VRK2: variants seen among roughly 807,000 people sequenced by gnomAD.
The protein encoded by VRK2 is serine/threonine-protein kinase VRK2.
VRK2 carries 60 observed loss-of-function variants against 57.6 expected under a neutral mutation model. That is an observed-to-expected ratio of 1.04 (90% confidence interval 0.85 to 1.29). The LOEUF (loss-of-function observed/expected upper bound fraction) is 1.29. Ranked by LOEUF, VRK2 falls within the 50% of genes most tolerant of loss-of-function variation. The pLI is 0.00. For synonymous variants in VRK2, 231 were observed against 199.2 expected, an observed-to-expected ratio of 1.16 and a Z score of -1.35; for missense variants, 705 against 588.1, an observed-to-expected ratio of 1.20 and a Z score of -2.06.
intron 11 of VRK2, 73 bp from the exon 12 acceptor site, chr2:58,146,243 T>C (rs1276006049): frequency 1.5e-6 from 2 of 1,291,136 alleles, no homozygotes; most frequent in Non-Finnish European, 2.1e-6. Context: ...TTTAAGAATC[T>C]GGACATATAT....
At chr2:57,954,430 G>A (rs1051184412) in intron 1 of VRK2, among the ~76,000 whole-genome samples, 2 of 152,054 alleles carry the variant, frequency 1.3e-5, no homozygotes, top group Non-Finnish European at 2.9e-5. Flanking sequence ...AAACCATTCA[G>A]TTAGCACCAG....
intron 1 of VRK2, among the ~76,000 whole-genome samples, chr2:57,959,728 G>C (rs1052551516): frequency 6.6e-6 from 1 of 152,098 alleles, no homozygotes; most frequent in Non-Finnish European, 1.5e-5. Context: ...CCAGAGGCTC[G>C]GCAGGTCCCT....
Position 58,120,393 on chromosome 2 carries a change from G to A in VRK2, c.544-2708G>A, listed in dbSNP as rs1677296270. Among the ~76,000 whole-genome samples the A allele has an allele frequency of 4.6e-5, 7 of 151,766 alleles. No individual in the cohort carries two copies. The South Asian group carries it at 1.3e-3, about 27-fold the overall frequency. On this transcript the variant is annotated intron_variant, in intron 7 of 12. Coordinates refer to ENST00000340157, the MANE Select transcript of VRK2 (RefSeq NM_006296.7). ...TTTAGTAGAGATGGGGTTTCACCAT[G>A]TTGGCCAGGCTGGTCTTGAACTCCT...
intron 7 of VRK2, among the ~76,000 whole-genome samples, chr2:58,122,290 C>G (rs1285715401): frequency 6.6e-6 from 1 of 152,100 alleles, no homozygotes; most frequent in African/African-American, 2.4e-5. Context: ...GTGCTGACCC[C>G]CACTCCCCTG....
intron 1 of VRK2, among the ~76,000 whole-genome samples, chr2:58,021,814 T>C (rs1673765224): frequency 6.6e-6 from 1 of 152,214 alleles, no homozygotes; most frequent in Admixed American, 6.5e-5. Context: ...TTTTATATAG[T>C]ATTAACTTTG....
intron 7 of VRK2, among the ~76,000 whole-genome samples, chr2:58,095,934 G>A (rs746260613): frequency 1.3e-5 from 2 of 152,054 alleles, no homozygotes; most frequent in African/African-American, 4.8e-5. Context: ...ATGAGTGTGT[G>A]TGTATCTGTT....
At chr2:58,001,979 A>G (rs1572764191) in intron 1 of VRK2, among the ~76,000 whole-genome samples, 1 of 152,286 alleles carries the variant, frequency 6.6e-6, no homozygotes, top group Non-Finnish European at 1.5e-5. Flanking sequence ...TAACACCACT[A>G]TCAATTCTGT....
intron 1 of VRK2, among the ~76,000 whole-genome samples, chr2:57,961,720 A>G (rs1369230804): frequency 6.7e-6 from 1 of 148,840 alleles, no homozygotes; most frequent in East Asian, 2.0e-4. Context: ...CTTTATATCT[A>G]CTTGGACACA....
At position 57,945,710 on chromosome 2, in the gene VRK2, T is replaced by A. The variant is rs536910975; in HGVS notation, c.-439+37871T>A. 9.8e-4 allele frequency among the ~76,000 whole-genome samples: 149 copies of A among 152,280 alleles called. 3 individuals carry two copies. The South Asian group carries it at 0.028, about 29-fold the overall frequency. On this transcript the variant is annotated intron_variant, in intron 1 of 15. Transcript: ENST00000417641. ...TAGTCACATGGACATGGATGTATAC[T>A]CCTTACCAAGAAAGGACTGCAAGCT...
At chr2:58,033,375 A>T (rs1674175315) in exon 3 of VRK2, 2 of 152,074 alleles carry the variant, frequency 1.3e-5, no homozygotes, top group South Asian at 4.1e-4. Context: ...GGTTCAAGGC[A>T]GAAAAACCGG....
At chr2:58,084,977 C>T (rs1671418940) in intron 4 of VRK2, 27 bp downstream of exon 4, 4 of 1,553,986 alleles carry the variant, frequency 2.6e-6, no homozygotes, top group Non-Finnish European at 3.5e-6. Context: ...AAGCAAGCTA[C>T]TTCCATATAT....
intron 7 of VRK2, among the ~76,000 whole-genome samples, chr2:58,105,450 C>T (rs990609795): frequency 1.3e-5 from 2 of 151,856 alleles, no homozygotes; most frequent in African/African-American, 4.8e-5. Flanking sequence ...AAAAAATGCT[C>T]AACATCACTA....
chr2:58,058,462 G>A (rs905692920), intron 2 of VRK2: 6 of 468,104 alleles, frequency 1.3e-5, no homozygotes, highest in South Asian at 4.7e-5. Flanking sequence ...TGAAAGAGGC[G>A]CATAGAGAAC....
intron 1 of VRK2, among the ~76,000 whole-genome samples, chr2:58,008,350 T>G (rs576772730): frequency 2.0e-5 from 3 of 151,102 alleles, no homozygotes; most frequent in African/African-American, 4.9e-5. Flanking sequence ...AACAGGAAGA[T>G]GAAAAGGAAG....
chr2:58,137,069 TC>T (rs1680298356), intron 10 of VRK2, among the ~76,000 whole-genome samples: 2 of 116,224 alleles, frequency 1.7e-5, no homozygotes, highest in African/African-American at 7.0e-5. Context: ...ATATCATATA[TC>T]ATATATAACA....
At chr2:58,137,249 A>C (rs953526920) in intron 10 of VRK2, among the ~76,000 whole-genome samples, 2 of 104,042 alleles carry the variant, frequency 1.9e-5, no homozygotes, top group Non-Finnish European at 4.1e-5. Flanking sequence ...TATCATATAT[A>C]TGATATATAT....
intron 1 of VRK2, among the ~76,000 whole-genome samples, chr2:57,908,970 T>C (rs1025667134): frequency 1.3e-5 from 2 of 152,176 alleles, no homozygotes; most frequent in African/African-American, 4.8e-5. Flanking sequence ...AAATTATTAA[T>C]ATAATTAGGG....
chr2:58,011,548 G>C (rs1180680316), intron 1 of VRK2, among the ~76,000 whole-genome samples: 1 of 152,126 alleles, frequency 6.6e-6, no homozygotes, highest in South Asian at 2.1e-4. Flanking sequence ...AAACACACAA[G>C]TTGTGTCTGG....
intron 1 of VRK2, among the ~76,000 whole-genome samples, chr2:57,942,512 A>G (rs1671131917): frequency 1.3e-5 from 2 of 151,988 alleles, no homozygotes; most frequent in African/African-American, 4.8e-5. Flanking sequence ...GGTAAACTTT[A>G]TGTTTTACTA....
Sources: allele counts gnomAD v4.1 joint callset (sites outside exome capture counted in the v4.1 genomes callset), GRCh38; gene constraint gnomAD v4.1.1; transcripts MANE v1.5; gene names NCBI Gene and HGNC (gene_info 2026-07-23, HGNC 2026-07-21).